The following ZNF33B variants were observed in gnomAD, a reference collection of about 807,000 sequenced individuals.
ZNF33B encodes zinc finger protein 33B, also known as zinc finger protein 11b (KOX 2).
Under a neutral mutation model 45.8 loss-of-function variants are expected in ZNF33B, and 29 were observed. The ratio of observed to expected loss-of-function variants is 0.63; its 90% CI spans 0.47 to 0.86. The LOEUF is 0.86. ZNF33B is among the 40% of genes least tolerant of loss of function. The probability of loss-of-function intolerance (pLI) is 0.00; values close to 1 mark genes in which losing one functional copy is unlikely to be tolerated. For missense variants in ZNF33B, 831 were observed against 909.9 expected (o/e 0.91, Z 1.12); for synonymous variants, 305 against 307.8 (o/e 0.99, Z 0.10).
At chr10:42,588,748 T>C (rs1010551939), downstream of ZNF33B, among the ~76,000 whole-genome samples, 1 of 152,058 alleles carries the variant, frequency 6.6e-6, no homozygotes, top group African/African-American at 2.4e-5. Context: ...TGTGGGAGGA[T>C]GTGAGGGGTT....
intron 1 of ZNF33B, 31 bp downstream of exon 1, chr10:42,638,443 C>T (rs1839446554): frequency 5.6e-6 from 2 of 357,602 alleles, no homozygotes; most frequent in African/African-American, 4.3e-5. Flanking sequence ...GGGGCCCCCT[C>T]TCCGTCCCTG....
At chr10:42,609,355 C>A (rs1359966439) in intron 4 of ZNF33B, among the ~76,000 whole-genome samples, 4 of 152,056 alleles carry the variant, frequency 2.6e-5, no homozygotes, top group African/African-American at 9.7e-5. Context: ...GGAAGTCAGG[C>A]TGCAGTGAGC....
chr10:42,599,645 A>G (rs1837543044), intron 4 of ZNF33B, among the ~76,000 whole-genome samples: 1 of 152,014 alleles, frequency 6.6e-6, no homozygotes, highest in African/African-American at 2.4e-5. Context: ...CATATGGTGG[A>G]TATATATGCA....
Position 42,594,540 on chromosome 10 carries a change from T to A in ZNF33B, c.410A>T (p.Lys137Ile), listed in dbSNP as rs74137906. The A allele has an allele frequency of 9.8e-3, 15,849 of 1,613,264 alleles. 1,038 individuals are homozygous for A. In the African/African-American group the frequency reaches 0.16, roughly 16 times the overall value. Residue 137 changes from lysine to isoleucine, a missense_variant, in exon 5 of 5, where the codon AAA becomes ATA. Transcript: ENST00000359467. ...ACGTGAGTCATACTGACAGAACATT[T>A]TTCTGGAAGGAAAAGAACTTACGTC... is the stretch of plus-strand genomic sequence containing the variant. ...NMDVSSFPSR[K>I]MFCQYDSRGM...
intron 1 of ZNF33B, chr10:42,581,587 T>G (rs1156834032): frequency 2.6e-5 from 4 of 151,114 alleles, no homozygotes; most frequent in Non-Finnish European, 4.4e-5. Context: ...CCATGTAGAA[T>G]GAGGTTGGAT....
In ZNF33B at chr10:42,638,508, G is replaced by A. The variant is rs1839451482; in HGVS notation, c.-79C>T. 2.1e-6 allele frequency: 1 copy of A among 481,782 alleles called. No individual in the cohort carries two copies. Among genetic ancestry groups the A allele is most frequent in the Non-Finnish European group, 4.1e-6 (1 of 241,366 alleles). The allele number at this position is 481,782 out of a possible 1,614,324, so 29.8% of individuals were successfully genotyped here. On this transcript the variant is annotated 5_prime_UTR_variant, in exon 1 of 5. Coordinates refer to ENST00000359467, the MANE Select transcript of ZNF33B (RefSeq NM_006955.3). ...TCTTCGGGTTGCATTCGCCATAAGAGAGCCGGTAGACCCCTGAAATCCCGG... is the reference window on the plus strand; with the variant it reads ...TCTTCGGGTTGCATTCGCCATAAGAAAGCCGGTAGACCCCTGAAATCCCGG...
chr10:42,592,728 C>T lies in ZNF33B; in HGVS notation c.2222G>A (p.Arg741Lys). The T allele has an allele frequency of 6.2e-7, 1 of 1,614,066 alleles. No individual in the cohort carries two copies. The highest frequency in any genetic ancestry group is 8.5e-7 in the Non-Finnish European group (1 of 1,179,976). Reference protein sequence around the residue: ...YRKSDLAKHQRSHTGEKPYEC... With the variant: ...YRKSDLAKHQKSHTGEKPYEC... ...ATAGGGCTTTTCCCCTGTATGTGAT[C>T]TCTGATGTTTAGCAAGGTCTGATTT... Residue 741 changes from arginine to lysine, a missense_variant, in exon 5 of 5, where the codon AGA becomes AAA. Coordinates refer to ENST00000359467, the MANE Select transcript of ZNF33B (RefSeq NM_006955.3).
chr10:42,594,753 G>T, intron 4 of ZNF33B, 54 bp from the exon 5 acceptor site: 2 of 1,500,096 alleles, frequency 1.3e-6, no homozygotes, highest in Non-Finnish European at 1.8e-6. Flanking sequence ...ATCTCTTAGG[G>T]AATGAAATCT....
intron 4 of ZNF33B, among the ~76,000 whole-genome samples, chr10:42,619,642 C>G (rs1838485011): frequency 6.6e-6 from 1 of 152,036 alleles, no homozygotes; most frequent in Admixed American, 6.5e-5. Context: ...TCCTGCAGGA[C>G]TTAAAAGACA....
In ZNF33B at chr10:42,595,745, G is replaced by C. The variant is rs576706506; in HGVS notation, c.251-1046C>G. ...CACTGGTCATATGCACAGAGAAAAGGCTGTGTAAGGACACCAGAAGAAAAT... is the reference window on the plus strand; with the variant it reads ...CACTGGTCATATGCACAGAGAAAAGCCTGTGTAAGGACACCAGAAGAAAAT... On this transcript the variant is annotated intron_variant, in intron 4 of 4. Coordinates refer to ENST00000359467, the MANE Select transcript of ZNF33B (RefSeq NM_006955.3). Among the ~76,000 whole-genome samples the C allele has an allele frequency of 1.4e-4, 22 of 152,270 alleles. 1 individual carries two copies. The South Asian group carries it at 2.9e-3, about 20-fold the overall frequency.
chr10:42,637,661 T>G (rs1254531812), intron 1 of ZNF33B, among the ~76,000 whole-genome samples: 1 of 150,336 alleles, frequency 6.7e-6, no homozygotes. Context: ...TCTGGTTTTT[T>G]GTTTGTTTGT....
chr10:42,597,869 A>G (rs2132052866), intron 4 of ZNF33B, among the ~76,000 whole-genome samples: 1 of 152,330 alleles, frequency 6.6e-6, no homozygotes, highest in Middle Eastern at 3.4e-3. Flanking sequence ...ATGGCATTTT[A>G]ATGTTTCCTC....
chr10:42,635,805 T>C (rs927333962), intron 2 of ZNF33B, among the ~76,000 whole-genome samples: 2 of 124,626 alleles, frequency 1.6e-5, no homozygotes, highest in African/African-American at 6.8e-5. Flanking sequence ...CAAGACTCTG[T>C]ATCCAAAAAA....
At chr10:42,577,136 A>AAAC (rs1224384681) in intron 1 of ZNF33B, among the ~76,000 whole-genome samples, 12 of 133,406 alleles carry the variant, frequency 9.0e-5, no homozygotes, top group African/African-American at 3.8e-4. Context: ...CCATCTCAAA[A>AAAC]AAAAAAAAAA....
chr10:42,609,752 G>A (rs1838025600), intron 4 of ZNF33B, among the ~76,000 whole-genome samples: 1 of 152,034 alleles, frequency 6.6e-6, no homozygotes, highest in Non-Finnish European at 1.5e-5. Flanking sequence ...AGGCAAGTTT[G>A]GTTTATCATT....
At chr10:42,577,498 C>T (rs532553449) in intron 1 of ZNF33B, among the ~76,000 whole-genome samples, 1 of 152,356 alleles carries the variant, frequency 6.6e-6, no homozygotes, top group South Asian at 2.1e-4. Flanking sequence ...TAAGTTGTCA[C>T]TTGCATCCCC....
intron 4 of ZNF33B, among the ~76,000 whole-genome samples, chr10:42,614,771 T>C (rs1249582791): frequency 6.6e-6 from 1 of 152,004 alleles, no homozygotes; most frequent in Non-Finnish European, 1.5e-5. Flanking sequence ...CTGGCCAACA[T>C]GGTGAAACCC....
intron 1 of ZNF33B, among the ~76,000 whole-genome samples, chr10:42,575,138 T>A (rs754092069): frequency 6.6e-5 from 10 of 152,208 alleles, no homozygotes; most frequent in Non-Finnish European, 1.5e-4. Flanking sequence ...AAGGTCTTCT[T>A]TATTTGGAGA....
intron 4 of ZNF33B, among the ~76,000 whole-genome samples, chr10:42,626,486 G>C (rs999446515): frequency 5.9e-5 from 9 of 152,048 alleles, no homozygotes; most frequent in Non-Finnish European, 1.2e-4. Context: ...TCAGGAGTTT[G>C]AAACCAGCCT....
Sources: allele counts gnomAD v4.1 joint callset (sites outside exome capture counted in the v4.1 genomes callset), GRCh38; gene constraint gnomAD v4.1.1; transcripts MANE v1.5; gene names NCBI Gene and HGNC (gene_info 2026-07-23, HGNC 2026-07-21).